CCDC149: variants seen among roughly 807,000 people sequenced by gnomAD.
The protein encoded by CCDC149 is coiled-coil domain-containing protein 149.
In CCDC149, 45 loss-of-function variants were observed where a neutral mutation model predicts 59.9. The ratio of observed to expected loss-of-function variants is 0.75; its 90% CI spans 0.59 to 0.96. CCDC149 has a LOEUF of 0.96. Ranked by LOEUF, CCDC149 falls within the 40% of genes least tolerant of loss-of-function variation. The pLI is 0.00. For synonymous variants in CCDC149, 245 were observed against 260.6 expected, an observed-to-expected ratio of 0.94 and a Z score of 0.58; for missense variants, 584 against 664.7, an observed-to-expected ratio of 0.88 and a Z score of 1.33.
At chr4:24,875,059 A>G (rs572203169) in intron 2 of CCDC149, among the ~76,000 whole-genome samples, 4 of 152,244 alleles carry the variant, frequency 2.6e-5, no homozygotes, top group Admixed American at 6.5e-5. Flanking sequence ...CTGTAATCCC[A>G]GCACCTTGGG....
At chr4:24,944,585 T>C (rs1723051413) in intron 1 of CCDC149, among the ~76,000 whole-genome samples, 1 of 148,816 alleles carries the variant, frequency 6.7e-6, no homozygotes, top group Admixed American at 6.7e-5. Flanking sequence ...AATAAATAAA[T>C]TCTGAAGGTG....
At chr4:24,813,505 T>C (rs1161422934) in intron 12 of CCDC149, among the ~76,000 whole-genome samples, 1 of 142,230 alleles carries the variant, frequency 7.0e-6, no homozygotes, top group East Asian at 2.0e-4. Context: ...TATATATATA[T>C]ATATATATAT....
intron 3 of CCDC149, among the ~76,000 whole-genome samples, chr4:24,857,558 C>T (rs1718097389): frequency 6.6e-6 from 1 of 151,530 alleles, no homozygotes; most frequent in Non-Finnish European, 1.5e-5. Context: ...GATATGGAAA[C>T]TAGAGTAAAG....
In CCDC149 at chr4:24,939,756, C is replaced by T. The variant is rs372344663; in HGVS notation, c.-65+40313G>A. Among the ~76,000 whole-genome samples, 5 of 152,200 alleles carry T rather than the reference C, an allele frequency of 3.3e-5. No individual in the cohort carries two copies. The East Asian group carries it at 9.7e-4, about 29-fold the overall frequency. On this transcript the variant is annotated intron_variant, in intron 1 of 12. Transcript: ENST00000389609. ...AGAACTACGCGACGAACGCACAAGC[C>T]TCAGTAACCGATGCGATCAAGTGGA...
chr4:24,822,943 T>C (rs766276112), intron 9 of CCDC149: 1 of 157,098 alleles, frequency 6.4e-6, no homozygotes, highest in African/African-American at 2.4e-5. Flanking sequence ...TAATATCACA[T>C]CTTGATTCTT....
chr4:24,853,283 C>G (rs1717783599), intron 3 of CCDC149, 104 bp from the exon 4 acceptor site: 11 of 815,150 alleles, frequency 1.3e-5, no homozygotes, highest in South Asian at 7.0e-5. Flanking sequence ...CCAGTTGAAC[C>G]ACACAAAGCC....
chr4:24,889,312 A>G (rs1720389544), intron 1 of CCDC149, among the ~76,000 whole-genome samples: 1 of 152,226 alleles, frequency 6.6e-6, no homozygotes, highest in Non-Finnish European at 1.5e-5. Flanking sequence ...CTCATTGGCC[A>G]TAAACGGGCT....
intron 3 of CCDC149, among the ~76,000 whole-genome samples, chr4:24,869,169 C>T (rs1718876727): frequency 6.6e-6 from 1 of 152,212 alleles, no homozygotes; most frequent in South Asian, 2.1e-4. Flanking sequence ...GGAGGAGCTG[C>T]CTTTCATCAG....
intron 1 of CCDC149, among the ~76,000 whole-genome samples, chr4:24,906,801 C>A (rs944862161): frequency 1.3e-5 from 2 of 152,096 alleles, no homozygotes; most frequent in Admixed American, 6.6e-5. Flanking sequence ...CTTCATTCAT[C>A]CAAAAGTAGC....
In CCDC149 at chr4:24,806,602, C is replaced by G. The variant is rs1470432614; in HGVS notation, c.*1787G>C. On this transcript the variant is annotated 3_prime_UTR_variant, in exon 13 of 13. Coordinates refer to ENST00000635206, the MANE Select transcript of CCDC149 (RefSeq NM_001330643.2). The stretch of plus-strand genomic sequence containing the variant: ...ATTTGCAGGCAGTTAAGGCCCAGTA[C>G]AGCAGGAAGAATGATTTCTGTGACT... The G allele has an allele frequency of 6.6e-6, 1 of 152,330 alleles. No individual in the cohort carries two copies. Among genetic ancestry groups the G allele is most frequent in the Non-Finnish European group, 1.5e-5 (1 of 68,078 alleles). The allele number at this position is 152,330 out of a possible 1,614,324, so 9.4% of individuals were successfully genotyped here.
intron 1 of CCDC149, among the ~76,000 whole-genome samples, chr4:24,928,737 C>G (rs531029779): frequency 1.4e-4 from 22 of 152,174 alleles, no homozygotes; most frequent in African/African-American, 5.3e-4. Context: ...GTTACAGCAA[C>G]CCTAGGAAAC....
At chr4:24,839,395 G>A (rs1716791207) in intron 4 of CCDC149, among the ~76,000 whole-genome samples, 1 of 152,014 alleles carries the variant, frequency 6.6e-6, no homozygotes, top group African/African-American at 2.4e-5. Context: ...TAGCCAGGAT[G>A]GTCTCGATCT....
intron 1 of CCDC149, among the ~76,000 whole-genome samples, chr4:24,941,916 C>T (rs1156352416): frequency 1.3e-5 from 2 of 152,066 alleles, no homozygotes; most frequent in African/African-American, 4.8e-5. Flanking sequence ...AGCTTACCAA[C>T]CAAAAAAAGT....
Position 24,852,287 on chromosome 4 carries a change from T to TACACACACACACAC in CCDC149, c.372+771_372+784dup, listed in dbSNP as rs768071017. The stretch of plus-strand genomic sequence containing the variant: ...AGAACTGCTCCCCTCCAACACACCA[T>TACACACACACACAC]ACACACACACACACACACACACACA... On this transcript the variant is annotated intron_variant, in intron 4 of 12. Transcript: ENST00000635206. Among the ~76,000 whole-genome samples the TACACACACACACAC allele has an allele frequency of 1.3e-3, 158 of 121,350 alleles. 1 individual carries two copies. Among genetic ancestry groups the TACACACACACACAC allele is most frequent in the African/African-American group, 4.2e-3 (127 of 30,474 alleles). The allele number at this position is 121,350 out of a possible 152,430, so 79.6% of individuals were successfully genotyped here.
rs760764637 is a variant in CCDC149, at chr4:24,835,006, C to T, written c.762G>A (p.Ser254=). ...TGCTGCTGGATTTACCCTGGCCCTT[C>T]GAGTTTTTCCGTCTCTCCAGAGCAT... The change falls in exon 8 of 13, where the codon TCG becomes TCA. Residue 254 remains serine (S), a synonymous_variant. Transcript: ENST00000635206. 1.4e-5 allele frequency: 22 copies of T among 1,613,976 alleles called. No homozygotes were observed. The highest frequency in any genetic ancestry group is 8.8e-5 in the South Asian group (8 of 91,054).
intron 3 of CCDC149, among the ~76,000 whole-genome samples, chr4:24,856,141 G>A (rs1396350953): frequency 8.8e-6 from 1 of 113,484 alleles, no homozygotes; most frequent in African/African-American, 3.3e-5. Context: ...GAACAGAGCT[G>A]TGTAAATGCA....
chr4:24,852,527 A>G (rs1328495427), intron 4 of CCDC149, among the ~76,000 whole-genome samples: 1 of 152,148 alleles, frequency 6.6e-6, no homozygotes, highest in Non-Finnish European at 1.5e-5. Context: ...GCACACATTT[A>G]GTTGGGAGTT....
At chr4:24,911,976 C>T (rs1011394671) in intron 1 of CCDC149, among the ~76,000 whole-genome samples, 5 of 152,314 alleles carry the variant, frequency 3.3e-5, no homozygotes, top group African/African-American at 1.2e-4. Flanking sequence ...GTAAGTAACA[C>T]CAGGAATTGC....
intron 1 of CCDC149, among the ~76,000 whole-genome samples, chr4:24,919,882 G>A (rs1350428267): frequency 6.6e-6 from 1 of 152,184 alleles, no homozygotes; most frequent in Non-Finnish European, 1.5e-5. Flanking sequence ...TATTATCCAA[G>A]AAAGATTGCA....
Sources: gnomAD v4.1 joint callset for allele counts (sites outside exome capture counted in the v4.1 genomes callset) on GRCh38, gnomAD v4.1.1 for gene constraint, MANE v1.5 for transcripts, NCBI Gene and HGNC (gene_info 2026-07-23, HGNC 2026-07-21) for gene names.